Variants in GARIN3 observed in about 807,000 individuals in gnomAD.
GARIN3 encodes the protein golgi associated RAB2 interactor family member 3, also known as Golgi-associated RAB2 interactor protein 3.
At chr5:157,164,149 T>C in the GARIN3 span, among the ~76,000 whole-genome samples, 15 of 145,226 alleles carry the variant, frequency 1.0e-4, no homozygotes, top group Non-Finnish European at 6.1e-5. Context: ...CTTTTGTCTT[T>C]TTTTTTTTTT....
At chr5:157,163,758 T>C in the GARIN3 span, 15 of 1,457,354 alleles carry the variant, frequency 1.0e-5, no homozygotes, top group Non-Finnish European at 1.4e-5. Flanking sequence ...CAAGGGCTTA[T>C]AATTAGAAGA....
chr5:157,163,216 C>A, the GARIN3 span: 1 of 1,614,024 alleles, frequency 6.2e-7, no homozygotes. Context: ...CAAGGAGGTG[C>A]TTGCAGCACC....
the GARIN3 span, chr5:157,162,688 G>C: frequency 6.2e-7 from 1 of 1,614,190 alleles, no homozygotes; most frequent in Non-Finnish European, 8.5e-7. Context: ...CTTTTGTAAA[G>C]CTCCTGTGCT....
chr5:157,165,985 C>T, the GARIN3 span: 1 of 1,614,182 alleles, frequency 6.2e-7, no homozygotes, highest in Non-Finnish European at 8.5e-7. Flanking sequence ...TTGTGTACAT[C>T]AATCACCTCT....
the GARIN3 span, among the ~76,000 whole-genome samples, chr5:157,165,352 G>T: frequency 3.3e-5 from 5 of 152,138 alleles, no homozygotes; most frequent in African/African-American, 9.7e-5. Flanking sequence ...GATACCTAAG[G>T]TCTCTGAAAT....
chr5:157,163,672 A>G, the GARIN3 span: 1 of 1,603,528 alleles, frequency 6.2e-7, no homozygotes, highest in Non-Finnish European at 8.5e-7. Context: ...TACCAAGGGG[A>G]AGAGAAACAG....
chr5:157,166,244 C>T, the GARIN3 span: 1 of 1,542,036 alleles, frequency 6.5e-7, no homozygotes, highest in Non-Finnish European at 8.7e-7. Context: ...AGGTAACTGC[C>T]CATCTCCCTA....
At chr5:157,165,331 C>G in the GARIN3 span, among the ~76,000 whole-genome samples, 1 of 152,038 alleles carries the variant, frequency 6.6e-6, no homozygotes, top group South Asian at 2.1e-4. Context: ...GGGTGTGAGA[C>G]CAGAGTAGCT....
chr5:157,165,716 A>T, the GARIN3 span: 1 of 1,614,220 alleles, frequency 6.2e-7, no homozygotes. Flanking sequence ...ACAACTGCAG[A>T]TAAAAAGTAC....
At chr5:157,165,869 G>T in the GARIN3 span, 1 of 1,614,180 alleles carries the variant, frequency 6.2e-7, no homozygotes, top group Admixed American at 1.7e-5. Flanking sequence ...GGCCCCATCT[G>T]ACATGCTGTT....
the GARIN3 span, chr5:157,162,374 A>G: frequency 6.6e-7 from 1 of 1,525,918 alleles, no homozygotes; most frequent in Middle Eastern, 1.8e-4. Flanking sequence ...TTTGAACTGC[A>G]GTAAAGAAAG....
chr5:157,163,335 G>A, the GARIN3 span: 3 of 1,614,088 alleles, frequency 1.9e-6, no homozygotes, highest in African/African-American at 4.0e-5. Flanking sequence ...CCAGCGCTGT[G>A]GTCACTTGAC....
the GARIN3 span, chr5:157,162,627 A>G: frequency 1.2e-6 from 2 of 1,613,970 alleles, no homozygotes; most frequent in Non-Finnish European, 1.7e-6. Flanking sequence ...TTGTTTTTGA[A>G]CCAGGAGTGG....
At chr5:157,164,350 C>T in the GARIN3 span, among the ~76,000 whole-genome samples, 1 of 152,040 alleles carries the variant, frequency 6.6e-6, no homozygotes, top group African/African-American at 2.4e-5. Context: ...TGAGGTTTCA[C>T]CATGTTGGCC....
chr5:157,165,960 A>G, the GARIN3 span: 1 of 1,614,110 alleles, frequency 6.2e-7, no homozygotes, highest in Non-Finnish European at 8.5e-7. Context: ...GCCCACTGTC[A>G]CCATTCGGAC....
At chr5:157,165,725 A>T in the GARIN3 span, 1 of 1,614,200 alleles carries the variant, frequency 6.2e-7, no homozygotes, top group Non-Finnish European at 8.5e-7. Context: ...GATAAAAAGT[A>T]CGGCCAGTGG....
At chr5:157,164,693 G>A in the GARIN3 span, among the ~76,000 whole-genome samples, 2,775 of 152,232 alleles carry the variant, frequency 0.018, 48 homozygotes, top group Middle Eastern at 0.051. Flanking sequence ...GATTGTGCAC[G>A]TGCATACACA....
the GARIN3 span, chr5:157,162,161 G>T: frequency 2.2e-6 from 1 of 446,066 alleles, no homozygotes; most frequent in South Asian, 3.4e-5. Flanking sequence ...GGAAGCAAAA[G>T]GGATTGAGGC....
At chr5:157,163,352 C>G in the GARIN3 span, 2 of 1,614,082 alleles carry the variant, frequency 1.2e-6, no homozygotes, top group Non-Finnish European at 1.7e-6. Context: ...TGACCTGGGC[C>G]TGCAGATTTG....
Sources: gnomAD v4.1 joint callset for allele counts (sites outside exome capture counted in the v4.1 genomes callset) on GRCh38, gnomAD v4.1.1 for gene constraint, MANE v1.5 for transcripts, NCBI Gene and HGNC (gene_info 2026-07-23, HGNC 2026-07-21) for gene names.